PALLD: variants seen among roughly 807,000 people sequenced by gnomAD.
PALLD encodes the protein palladin, cytoskeletal associated protein.
In PALLD, 61 loss-of-function variants were observed where a neutral mutation model predicts 123.5. That is an observed-to-expected ratio of 0.49 (90% CI 0.40 to 0.61). PALLD has a LOEUF of 0.61. PALLD is among the 20% of genes least tolerant of loss of function. The probability of loss-of-function intolerance (pLI) is 0.00; values close to 1 mark genes in which losing one functional copy is unlikely to be tolerated. For synonymous variants in PALLD, 465 were observed against 496.4 expected (o/e 0.94, Z 0.84); for missense variants, 1,273 against 1,377.0 (o/e 0.92, Z 1.20).
At chr4:168,524,242 C>G (rs966058220) in intron 2 of PALLD, among the ~76,000 whole-genome samples, 4 of 152,142 alleles carry the variant, frequency 2.6e-5, no homozygotes, top group Non-Finnish European at 5.9e-5. Flanking sequence ...ATTTACTTGG[C>G]CAGTACTATA....
chr4:168,599,820 C>A (rs771383995), intron 2 of PALLD, among the ~76,000 whole-genome samples: 28 of 152,086 alleles, frequency 1.8e-4, no homozygotes, highest in African/African-American at 2.4e-5. Context: ...TTAAATCTTT[C>A]TATGTATGTA....
At chr4:168,600,037 A>G (rs999858324) in intron 2 of PALLD, among the ~76,000 whole-genome samples, 3 of 144,324 alleles carry the variant, frequency 2.1e-5, no homozygotes, top group African/African-American at 7.7e-5. Flanking sequence ...ACACATACAT[A>G]CATGTGTATA....
At chr4:168,517,114 A>G (rs543319706) in intron 2 of PALLD, among the ~76,000 whole-genome samples, 64 of 152,336 alleles carry the variant, frequency 4.2e-4, no homozygotes, top group African/African-American at 1.5e-3. Context: ...ATCAAGACAC[A>G]GGGACTGGGA....
chr4:168,675,136 C>T (rs1171865860), intron 3 of PALLD, among the ~76,000 whole-genome samples: 2 of 152,324 alleles, frequency 1.3e-5, no homozygotes, highest in Non-Finnish European at 2.9e-5. Context: ...ATTACACAGA[C>T]TGTCAAATGA....
At chr4:168,745,674 C>T (rs1730196311) in intron 10 of PALLD, among the ~76,000 whole-genome samples, 2 of 152,068 alleles carry the variant, frequency 1.3e-5, no homozygotes, top group Admixed American at 1.3e-4. Flanking sequence ...GAGTTCTCTT[C>T]TATTTATTAT....
At chr4:168,724,378 G>A (rs1786336906) in intron 10 of PALLD, among the ~76,000 whole-genome samples, 2 of 152,094 alleles carry the variant, frequency 1.3e-5, no homozygotes, top group African/African-American at 4.8e-5. Flanking sequence ...TCACCTAATA[G>A]TGAGAACATT....
intron 9 of PALLD, among the ~76,000 whole-genome samples, chr4:168,710,564 CT>C (rs1784738362): frequency 6.6e-6 from 1 of 152,106 alleles, no homozygotes; most frequent in East Asian, 1.9e-4. Flanking sequence ...ATTTAGGGAC[CT>C]TAGAGTGGCA....
In PALLD at chr4:168,511,425, C is replaced by T. The variant is rs550189720; in HGVS notation, c.-80C>T. The T allele has an allele frequency of 5.8e-6, 6 of 1,033,486 alleles. No homozygotes were observed. Among genetic ancestry groups the T allele is most frequent in the Non-Finnish European group, 9.1e-6 (6 of 659,916 alleles). 64.0% of individuals were successfully genotyped at this position (1,033,486 alleles called of 1,614,324 possible). ...TGACATTCTATGCTGTCTTTCAGAA[C>T]ACAGTTTCAGAAAACAGTTTCCAGT... On this transcript the variant is annotated splice_region_variant and 5_prime_UTR_variant, in exon 2 of 22. Coordinates refer to ENST00000505667, the MANE Select transcript of PALLD (RefSeq NM_001166108.2).
rs116882380 is a variant in PALLD, at chr4:168,830,280, C to T, written c.1965-60642C>T. ...TTATAGGCTGAGTGCGGTGGTCACG[C>T]CTGGGAGGCCGAGGTGGGAGGATCA... is the stretch of plus-strand genomic sequence containing the variant. On this transcript the variant is annotated intron_variant, in intron 10 of 21. Coordinates refer to ENST00000505667, the MANE Select transcript of PALLD (RefSeq NM_001166108.2). Among the ~76,000 whole-genome samples, 1,780 of 150,472 alleles carry T rather than the reference C, an allele frequency of 0.012. 71 individuals are homozygous for T. In the East Asian group the frequency reaches 0.17, roughly 14 times the overall value.
At chr4:168,708,466 G>A (rs1784424147) in intron 8 of PALLD, among the ~76,000 whole-genome samples, 1 of 152,198 alleles carries the variant, frequency 6.6e-6, no homozygotes, top group Admixed American at 6.5e-5. Context: ...AGCCCTGGCA[G>A]CTGTTTCGAG....
intron 2 of PALLD, among the ~76,000 whole-genome samples, chr4:168,626,421 A>AGG: frequency 7.2e-6 from 1 of 139,430 alleles, no homozygotes; most frequent in East Asian, 2.1e-4. Flanking sequence ...AAAAAAAAAA[A>AGG]GGTGGTGACT....
rs1478320703 is a variant in PALLD at position 168,548,350 on chromosome 4, A to C, written c.908+35938A>C. Among the ~76,000 whole-genome samples, 3 of 152,146 alleles carry C rather than the reference A, an allele frequency of 2.0e-5. No individual in the cohort carries two copies. In the South Asian group the frequency reaches 6.2e-4, roughly 32 times the overall value. Reference sequence around the variant, plus strand: ...ATCATTTCCTTCTAACTCAGGAAAAAAAAAAAAACAGGGAAACACTAATAC... The same window carrying C: ...ATCATTTCCTTCTAACTCAGGAAAACAAAAAAAACAGGGAAACACTAATAC... On this transcript the variant is annotated intron_variant, in intron 2 of 21. Coordinates refer to ENST00000505667, the MANE Select transcript of PALLD (RefSeq NM_001166108.2).
In PALLD at chr4:168,719,848, G is replaced by A. The variant is rs191644271; in HGVS notation, c.1964+7925G>A. 2.2e-3 allele frequency among the ~76,000 whole-genome samples: 336 copies of A among 152,274 alleles called. 2 individuals are homozygous for A. The Middle Eastern group carries it at 0.024, about 11-fold the overall frequency. On this transcript the variant is annotated intron_variant, in intron 10 of 21. Coordinates refer to ENST00000505667, the MANE Select transcript of PALLD (RefSeq NM_001166108.2). ...ATGTGGTATTTGTTTTTCTGTTCCT[G>A]TGTTAGTTTGCTTAGGATCATGGCC... is the stretch of plus-strand genomic sequence containing the variant.
chr4:168,646,472 C>G (rs944830530), intron 2 of PALLD, among the ~76,000 whole-genome samples: 13 of 152,134 alleles, frequency 8.5e-5, no homozygotes, highest in African/African-American at 2.9e-4. Context: ...GATAACAGTC[C>G]ATCAGTCTCT....
chr4:168,645,799 G>A (rs1347721940), intron 2 of PALLD, among the ~76,000 whole-genome samples: 1 of 152,112 alleles, frequency 6.6e-6, no homozygotes, highest in African/African-American at 2.4e-5. Flanking sequence ...TAGTGCAAAC[G>A]GGGCTGCTCA....
chr4:168,644,031 G>A (rs1316340460), intron 2 of PALLD, among the ~76,000 whole-genome samples: 1 of 151,566 alleles, frequency 6.6e-6, no homozygotes, highest in Non-Finnish European at 1.5e-5. Context: ...AGAGAAAAAT[G>A]GTTTGGTAAT....
intron 14 of PALLD, among the ~76,000 whole-genome samples, chr4:168,902,413 C>T (rs1039800880): frequency 2.0e-5 from 3 of 152,170 alleles, no homozygotes; most frequent in Admixed American, 6.5e-5. Flanking sequence ...CATGTTAGGG[C>T]TGTTGGCACT....
intron 2 of PALLD, among the ~76,000 whole-genome samples, chr4:168,575,231 A>G (rs1387929328): frequency 6.6e-6 from 1 of 152,186 alleles, no homozygotes. Flanking sequence ...TCACACTGCT[A>G]TAAAGAAATA....
intron 2 of PALLD, among the ~76,000 whole-genome samples, chr4:168,581,905 C>A (rs1391741873): frequency 6.6e-6 from 1 of 151,930 alleles, no homozygotes; most frequent in Non-Finnish European, 1.5e-5. Flanking sequence ...ACATTTAAAT[C>A]TTGAATTCAC....
Sources: allele counts gnomAD v4.1 joint callset (sites outside exome capture counted in the v4.1 genomes callset), GRCh38; gene constraint gnomAD v4.1.1; transcripts MANE v1.5; gene names NCBI Gene and HGNC (gene_info 2026-07-23, HGNC 2026-07-21).